Variants in NINL observed in about 807,000 individuals in gnomAD.
NINL encodes the protein ninein-like protein.
NINL carries 153 observed loss-of-function variants against 160.3 expected under a neutral mutation model. The ratio of observed to expected loss-of-function variants is 0.95; its 90% CI spans 0.84 to 1.09. The LOEUF (loss-of-function observed/expected upper bound fraction) is 1.09, where lower values mean the gene tolerates loss of function less well. NINL is among the 50% of genes least tolerant of loss of function. The probability of loss-of-function intolerance (pLI) is 0.00; values close to 1 mark genes in which losing one functional copy is unlikely to be tolerated. For synonymous variants in NINL, 800 were observed against 734.8 expected (o/e 1.09, Z -1.43); for missense variants, 1,829 against 1,764.0 (o/e 1.04, Z -0.66).
rs138004467 is a variant in NINL at position 25,467,233 on chromosome 20, G to A, written c.3423+156C>T. Among the ~76,000 whole-genome samples, 207 of 152,338 alleles carry A rather than the reference G, an allele frequency of 1.4e-3. 1 individual carries two copies. The highest frequency in any genetic ancestry group is 4.7e-3 in the African/African-American group (195 of 41,584). On this transcript the variant is annotated intron_variant, in intron 19 of 23. Transcript: ENST00000278886. ...AGGGGTCTTCACAGCCGTGTTTAGT[G>A]TCTGACTTTGATGGGGCCTGGGGGC...
chr20:25,537,039 G>A (rs2064569057), intron 1 of NINL, among the ~76,000 whole-genome samples: 1 of 152,172 alleles, frequency 6.6e-6, no homozygotes, highest in Admixed American at 6.5e-5. Flanking sequence ...GGAGATGAAG[G>A]CAACAGAGCG....
At chr20:25,518,320 C>G (rs562210276) in intron 2 of NINL, among the ~76,000 whole-genome samples, 7 of 152,338 alleles carry the variant, frequency 4.6e-5, no homozygotes, top group African/African-American at 1.7e-4. Context: ...TCTGTGTCCT[C>G]AGAAGCTTTG....
chr20:25,467,502 C>G (rs138839711), intron 18 of NINL, 44 bp from the exon 19 acceptor site: 1 of 1,465,302 alleles, frequency 6.8e-7, no homozygotes, highest in South Asian at 1.1e-5. Context: ...TTGTGACCAA[C>G]CAGTGCCTTC....
intron 2 of NINL, among the ~76,000 whole-genome samples, chr20:25,526,128 A>T (rs1300675868): frequency 6.6e-6 from 1 of 151,868 alleles, no homozygotes; most frequent in Non-Finnish European, 1.5e-5. Context: ...CCTATACCAA[A>T]CTCCTTCCCC....
At chr20:25,558,014 G>A (rs1229625379) in intron 1 of NINL, among the ~76,000 whole-genome samples, 2 of 150,384 alleles carry the variant, frequency 1.3e-5, no homozygotes, top group South Asian at 2.1e-4. Context: ...GGTGGCATGC[G>A]CCTGTAATCA....
intron 1 of NINL, among the ~76,000 whole-genome samples, chr20:25,562,695 C>G (rs2064958271): frequency 6.6e-6 from 1 of 150,566 alleles, no homozygotes; most frequent in Non-Finnish European, 1.5e-5. Context: ...ACTTGTTTAT[C>G]TGCTGACCTT....
intron 21 of NINL, among the ~76,000 whole-genome samples, chr20:25,460,728 C>T (rs1039144955): frequency 7.9e-5 from 12 of 152,152 alleles, no homozygotes; most frequent in Non-Finnish European, 1.2e-4. Context: ...TGCCTCAGGA[C>T]GTCTAGGGGG....
At chr20:25,583,768 G>A (rs1251179067) in intron 1 of NINL, among the ~76,000 whole-genome samples, 1 of 152,156 alleles carries the variant, frequency 6.6e-6, no homozygotes, top group Non-Finnish European at 1.5e-5. Flanking sequence ...ATGTGGTACA[G>A]ATACACCATG....
At chr20:25,512,012 C>T (rs2064078675) in intron 4 of NINL, among the ~76,000 whole-genome samples, 1 of 152,182 alleles carries the variant, frequency 6.6e-6, no homozygotes, top group South Asian at 2.1e-4. Flanking sequence ...GATTAACTTA[C>T]AAGCTGTGGA....
At chr20:25,531,033 CA>C (rs1356163560) in intron 1 of NINL, among the ~76,000 whole-genome samples, 1 of 152,168 alleles carries the variant, frequency 6.6e-6, no homozygotes, top group Non-Finnish European at 1.5e-5. Context: ...AGCTCAGCCA[CA>C]AAAGACGGCT....
At chr20:25,468,610 C>A (rs1415950970) in intron 18 of NINL, among the ~76,000 whole-genome samples, 2 of 143,942 alleles carry the variant, frequency 1.4e-5, no homozygotes, top group Non-Finnish European at 3.0e-5. Flanking sequence ...CTGTCCTGTC[C>A]CCTGACTCTC....
At chr20:25,506,157 G>A (rs1274112714) in intron 5 of NINL, among the ~76,000 whole-genome samples, 1 of 152,194 alleles carries the variant, frequency 6.6e-6, no homozygotes, top group African/African-American at 2.4e-5. Flanking sequence ...AGCTACTCGG[G>A]AGGCTGAGGC....
intron 10 of NINL, among the ~76,000 whole-genome samples, chr20:25,494,648 C>G (rs2063713285): frequency 6.6e-6 from 1 of 152,226 alleles, no homozygotes; most frequent in South Asian, 2.1e-4. Flanking sequence ...GTCCCAGCCA[C>G]CCCCTATGGA....
At chr20:25,469,597 G>C (rs911402974) in intron 18 of NINL, among the ~76,000 whole-genome samples, 1 of 151,982 alleles carries the variant, frequency 6.6e-6, no homozygotes, top group African/African-American at 2.4e-5. Flanking sequence ...AGCTGAAGCT[G>C]TTATCAGGAG....
chr20:25,495,184 C>T (rs992449057), intron 10 of NINL, among the ~76,000 whole-genome samples: 5 of 152,156 alleles, frequency 3.3e-5, no homozygotes, highest in African/African-American at 9.7e-5. Flanking sequence ...CCCAGGTTCA[C>T]GACAAAGATG....
chr20:25,540,503 C>A (rs901647295), intron 1 of NINL, among the ~76,000 whole-genome samples: 1 of 152,118 alleles, frequency 6.6e-6, no homozygotes, highest in Non-Finnish European at 1.5e-5. Flanking sequence ...CAGAATCCAC[C>A]GGGCATTAAG....
At chr20:25,475,985 G>T in intron 17 of NINL, 58 bp downstream of exon 17, 1 of 1,542,570 alleles carries the variant, frequency 6.5e-7, no homozygotes, top group Non-Finnish European at 8.8e-7. Context: ...GGGTCAGTGG[G>T]TTAGTTCTGC....
chr20:25,572,324 C>T (rs1437543090), intron 1 of NINL, among the ~76,000 whole-genome samples: 6 of 151,992 alleles, frequency 3.9e-5, no homozygotes, highest in African/African-American at 9.7e-5. Context: ...TTAACACTCC[C>T]TCCCTGGGAG....
Position 25,479,112 on chromosome 20 carries a change from A to G in NINL, c.2012T>C (p.Val671Ala), listed in dbSNP as rs1195846465. ...CAGGTCGGCCTTCTGACCCTCCAGC[A>G]CGCTGACCTCGCGCCTGCGAGCCTG... is the stretch of plus-strand genomic sequence containing the variant. ...MEQARRREVSVLEGQKADLEE... is the reference protein window; with the variant it reads ...MEQARRREVSALEGQKADLEE... The change falls in exon 16 of 24, where the codon GTG (valine) becomes GCG (alanine). Residue 671 changes from valine (V) to alanine (A), a missense_variant. Coordinates refer to ENST00000278886, the MANE Select transcript of NINL (RefSeq NM_025176.6). 6.2e-7 allele frequency: 1 copy of G among 1,613,754 alleles called. No homozygotes were observed. Among genetic ancestry groups the G allele is most frequent in the Non-Finnish European group, 8.5e-7 (1 of 1,180,022 alleles).
Sources: allele counts gnomAD v4.1 joint callset (sites outside exome capture counted in the v4.1 genomes callset), GRCh38; gene constraint gnomAD v4.1.1; transcripts MANE v1.5; gene names NCBI Gene and HGNC (gene_info 2026-07-23, HGNC 2026-07-21).